Variants in MAPK8IP3 observed in about 807,000 individuals in gnomAD.
MAPK8IP3 encodes the protein C-Jun-amino-terminal kinase-interacting protein 3.
Under a neutral mutation model 157.8 loss-of-function variants are expected in MAPK8IP3, and 49 were observed. That is an observed-to-expected ratio of 0.31 (90% confidence interval 0.25 to 0.39). MAPK8IP3 has a LOEUF of 0.39. Among genes scored for constraint, MAPK8IP3 ranks in the 10% least tolerant of loss-of-function variants. The pLI is 1.00. For missense variants in MAPK8IP3, 1,478 were observed against 1,889.4 expected, an observed-to-expected ratio of 0.78 and a Z score of 4.04; for synonymous variants, 897 against 777.7, an observed-to-expected ratio of 1.15 and a Z score of -2.55.
chr16:1,757,065 A>G (rs1341192278), intron 8 of MAPK8IP3, among the ~76,000 whole-genome samples: 1 of 152,098 alleles, frequency 6.6e-6, no homozygotes, highest in Middle Eastern at 3.2e-3. Context: ...TTATTATTGG[A>G]ATTCCGATAA....
Position 1,769,375 on chromosome 16 carries a change from C to T in MAPK8IP3, c.*551C>T, listed in dbSNP as rs1319801936. ...CCCAGCCGGCCTTCTCTGGGGCCTC[C>T]CCGTCGTCAAGCCTCTATCCTGTCT... On this transcript the variant is annotated 3_prime_UTR_variant, in exon 32 of 32. Coordinates refer to ENST00000610761, the MANE Select transcript of MAPK8IP3 (RefSeq NM_001318852.2). 6.3e-6 allele frequency: 1 copy of T among 158,624 alleles called. No individual in the cohort carries two copies. Among genetic ancestry groups the T allele is most frequent in the African/African-American group, 2.4e-5 (1 of 41,502 alleles). 9.8% of individuals were successfully genotyped at this position (158,624 alleles called of 1,614,324 possible). A position where few individuals can be genotyped will look rare whatever the true frequency, so the allele number is the denominator to read the frequency against.
chr16:1,725,303 C>T (rs941300834), intron 2 of MAPK8IP3, among the ~76,000 whole-genome samples: 7 of 150,744 alleles, frequency 4.6e-5, no homozygotes, highest in Non-Finnish European at 1.0e-4. Flanking sequence ...TTGATACTGC[C>T]GTGTGGGCAC....
At chr16:1,752,549 C>T (rs770212483) in intron 8 of MAPK8IP3, 5 of 333,322 alleles carry the variant, frequency 1.5e-5, no homozygotes, top group African/African-American at 2.2e-5. Flanking sequence ...TCAAGACCAG[C>T]CTGGTCAACA....
At chr16:1,728,990 C>A in intron 2 of MAPK8IP3, 148 bp from the exon 3 acceptor site, 1 of 733,234 alleles carries the variant, frequency 1.4e-6, no homozygotes, top group Non-Finnish European at 2.5e-6. Context: ...TCCCAGACGG[C>A]CTTGCACTTG....
At chr16:1,757,641 T>C (rs74002434) in intron 8 of MAPK8IP3, among the ~76,000 whole-genome samples, 2,229 of 152,278 alleles carry the variant, frequency 0.015, 78 homozygotes, top group African/African-American at 0.051. Flanking sequence ...CTTGCTCCCA[T>C]TGTGACTTCA....
chr16:1,729,543 A>G lies in MAPK8IP3; in HGVS notation c.567A>G (p.Gly189=). 1.9e-6 allele frequency: 3 copies of G among 1,611,376 alleles called. No homozygotes were observed. The highest frequency in any genetic ancestry group is 1.7e-6 in the Non-Finnish European group (2 of 1,179,008). The part of the protein sequence containing the change: ...IERSKMQQVG[G]NSQTESSLPG... ...GGTCCAAGATGCAGCAGGTCGGAGG[A>G]AACAGCCAGACCGAGAGCAGCCTGC... Residue 189 remains glycine (G), a synonymous_variant, in exon 4 of 32, where the codon GGA becomes GGG. Transcript: ENST00000610761.
At position 1,706,304 on chromosome 16, in the gene MAPK8IP3, G is replaced by A. The variant is rs1045136773; in HGVS notation, c.-36G>A. On this transcript the variant is annotated 5_prime_UTR_variant, in exon 1 of 32. Coordinates refer to ENST00000610761, the MANE Select transcript of MAPK8IP3 (RefSeq NM_001318852.2). This position sits in a 1 kb window ranked among gnomAD's most constrained non-coding sequence, Gnocchi z 5.1. The stretch of plus-strand genomic sequence containing the variant: ...CTGGGGAGGGCCGGGCGCGCCGGCC[G>A]GATAGCGAGCCGCGCTGGCGGCGGC... 3 of 1,511,452 alleles carry A rather than the reference G, an allele frequency of 2.0e-6. No individual in the cohort carries two copies. The highest frequency in any genetic ancestry group is 2.1e-5 in the Admixed American group (1 of 48,714). The allele number at this position is 1,511,452 out of a possible 1,614,324, so 93.6% of individuals were successfully genotyped here. A position where few individuals can be genotyped will look rare whatever the true frequency, so the allele number is the denominator to read the frequency against.
intron 14 of MAPK8IP3, 66 bp from the exon 15 acceptor site, chr16:1,762,609 C>T (rs1330426508): frequency 1.3e-6 from 2 of 1,545,374 alleles, no homozygotes; most frequent in East Asian, 2.3e-5. Flanking sequence ...TGGCGGGAGC[C>T]AGAGAGTCGC....
In MAPK8IP3 at chr16:1,741,852, A is replaced by G. The variant is rs532866300; in HGVS notation, c.603-1480A>G. Among the ~76,000 whole-genome samples the G allele has an allele frequency of 2.6e-5, 4 of 152,222 alleles. No individual in the cohort carries two copies. The highest frequency in any genetic ancestry group is 7.2e-5 in the African/African-American group (3 of 41,544). ...AGGATACGGTGTTGTCCTGAACATAACAGAGCAGGCGGCCAGTCCCCAGAG... is the reference window on the plus strand; with the variant it reads ...AGGATACGGTGTTGTCCTGAACATAGCAGAGCAGGCGGCCAGTCCCCAGAG... On this transcript the variant is annotated intron_variant, in intron 4 of 31. Transcript: ENST00000610761. The surrounding 1 kb of genome is among the most constrained non-coding windows in gnomAD (Gnocchi z 6.9).
rs755178607 is a variant in MAPK8IP3 at position 1,767,630 on chromosome 16, G to A, written c.3304G>A (p.Val1102Ile). Residue 1102 changes from valine to isoleucine, a missense_variant, in exon 27 of 32, where the codon GTA becomes ATA. Val to Ile is a conservative substitution (Grantham distance 29). This residue lies in a region of MAPK8IP3 where 68 missense variants were observed against 125.1 expected (regional missense o/e 0.54). Transcript: ENST00000610761. ...VRQLAWIGDG[V>I]WVSIRLDSTL... ...GCAGCTGGCGTGGATCGGCGATGGC[G>A]TATGGGTGTCCATCCGCCTGGACTC... is the stretch of plus-strand genomic sequence containing the variant. 5.6e-6 allele frequency: 9 copies of A among 1,612,482 alleles called. No individual in the cohort carries two copies. The highest frequency in any genetic ancestry group is 2.7e-5 in the African/African-American group (2 of 74,904).
Position 1,764,163 on chromosome 16 carries a change from G to C in MAPK8IP3, c.2074G>C (p.Val692Leu). Residue 692 changes from valine to leucine, a missense_variant, in exon 18 of 32, where the codon GTG becomes CTG. This residue lies in a region of MAPK8IP3 where 669 missense variants were observed against 759.8 expected (regional missense o/e 0.88). Transcript: ENST00000610761. ...QEDTRMKNVP[V>L]PVYCRPLVEK... The stretch of plus-strand genomic sequence containing the variant: ...GGACACGCGGATGAAGAACGTGCCG[G>C]TGCCGGTGTACTGCCGCCCTCTGGT... 1 of 1,611,826 alleles carries C rather than the reference G, an allele frequency of 6.2e-7. No homozygotes were observed. The highest frequency in any genetic ancestry group is 8.5e-7 in the Non-Finnish European group (1 of 1,179,568).
At chr16:1,753,452 TA>T (rs1555454337) in intron 8 of MAPK8IP3, among the ~76,000 whole-genome samples, 4 of 151,370 alleles carry the variant, frequency 2.6e-5, no homozygotes, top group South Asian at 2.1e-4. Flanking sequence ...TTTATTTATT[TA>T]TTTTTGAGAC....
At position 1,706,566 on chromosome 16, in the gene MAPK8IP3, A is replaced by G. The variant is rs1596520807; in HGVS notation, c.227A>G (p.His76Arg). The G allele has an allele frequency of 1.9e-6, 3 of 1,613,096 alleles. No individual in the cohort carries two copies. The East Asian group carries it at 6.7e-5, about 36-fold the overall frequency. ...LDSVLSENQE[H>R]EVELELLRED... ...TCGGTGCTCAGCGAGAACCAGGAGCACGAGGTGGAGCTGGAGCTGCTGCGC... is the reference window on the plus strand; with the variant it reads ...TCGGTGCTCAGCGAGAACCAGGAGCGCGAGGTGGAGCTGGAGCTGCTGCGC... Residue 76 changes from histidine to arginine, a missense_variant, in exon 1 of 32, where the codon CAC becomes CGC. His to Arg is a conservative substitution (Grantham distance 29). Coordinates refer to ENST00000610761, the MANE Select transcript of MAPK8IP3 (RefSeq NM_001318852.2). This position sits in a 1 kb window ranked among gnomAD's most constrained non-coding sequence, Gnocchi z 5.1.
rs1034673585 is a variant in MAPK8IP3 at position 1,747,209 on chromosome 16, C to T, written c.928C>T (p.Arg310Trp). ...GVGSKNSKRA[R>W]EKRDSRNMEV... ...GGGCTCCAAGAACAGCAAGCGTGCC[C>T]GGGAGAAGCGCGACAGCCGCAACAT... The change falls in exon 6 of 32, where the codon CGG becomes TGG. Residue 310 changes from arginine to tryptophan, a missense_variant. Physicochemically the swap from Arg to Trp is moderately radical, Grantham distance 101. This residue lies in a region of MAPK8IP3 where 315 missense variants were observed against 394.4 expected (regional missense o/e 0.80). Coordinates refer to ENST00000610761, the MANE Select transcript of MAPK8IP3 (RefSeq NM_001318852.2). 16 of 1,613,632 alleles carry T rather than the reference C, an allele frequency of 9.9e-6. No individual in the cohort carries two copies. Among genetic ancestry groups the T allele is most frequent in the Non-Finnish European group, 1.2e-5 (14 of 1,180,036 alleles).
At chr16:1,721,678 C>G (rs908147927) in intron 1 of MAPK8IP3, among the ~76,000 whole-genome samples, 1 of 152,172 alleles carries the variant, frequency 6.6e-6, no homozygotes, top group African/African-American at 2.4e-5. Flanking sequence ...TGGAGTCAAT[C>G]AATCCACTCG....
In MAPK8IP3 at chr16:1,710,923, G is replaced by T. The variant is rs945409174; in HGVS notation, c.318+4266G>T. Reference sequence around the variant, plus strand: ...TCCCTAAAAAGTGGAGCAAATACATGTAGGAACCATGGAGAAGGAGGTACC... The same window carrying T: ...TCCCTAAAAAGTGGAGCAAATACATTTAGGAACCATGGAGAAGGAGGTACC... On this transcript the variant is annotated intron_variant, in intron 1 of 31. Coordinates refer to ENST00000610761, the MANE Select transcript of MAPK8IP3 (RefSeq NM_001318852.2). This position sits in a 1 kb window ranked among gnomAD's most constrained non-coding sequence, Gnocchi z 4.1. Among the ~76,000 whole-genome samples the T allele has an allele frequency of 2.0e-4, 30 of 152,318 alleles. No homozygotes were observed. The highest frequency in any genetic ancestry group is 7.0e-4 in the African/African-American group (29 of 41,572).
intron 1 of MAPK8IP3, among the ~76,000 whole-genome samples, chr16:1,711,101 A>C (rs2037740397): frequency 6.6e-6 from 1 of 152,258 alleles, no homozygotes; most frequent in African/African-American, 2.4e-5. Context: ...TTCTTCCAAA[A>C]TTAAGATTTC....
Position 1,760,477 on chromosome 16 carries a change from C to T in MAPK8IP3, c.1402C>T (p.Gln468Ter). The T allele has an allele frequency of 1.2e-6, 2 of 1,613,950 alleles. No homozygotes were observed. Among genetic ancestry groups the T allele is most frequent in the Non-Finnish European group, 1.7e-6 (2 of 1,179,912 alleles). Reference sequence around the variant, plus strand: ...GAGGGGCGAGTTGGAGGCTGCTAAGCAGGCCAAAGTCAAGCTGGAAAACCG... The same window carrying T: ...GAGGGGCGAGTTGGAGGCTGCTAAGTAGGCCAAAGTCAAGCTGGAAAACCG... ...VLRGELEAAK[Q>*]AKVKLENRIK... Residue 468 changes from glutamine to a stop codon, truncating the protein, a stop_gained, in exon 12 of 32, where the codon CAG (glutamine) becomes TAG (stop). Coordinates refer to ENST00000610761, the MANE Select transcript of MAPK8IP3 (RefSeq NM_001318852.2). LOFTEE classifies it high-confidence loss of function.
chr16:1,718,436 G>A (rs925082212), intron 1 of MAPK8IP3, among the ~76,000 whole-genome samples: 7 of 149,246 alleles, frequency 4.7e-5, no homozygotes, highest in Admixed American at 6.7e-5. Flanking sequence ...CCCCCACCTC[G>A]GCCTCCTAAA....
Sources: allele counts gnomAD v4.1 joint callset (sites outside exome capture counted in the v4.1 genomes callset), GRCh38; gene constraint gnomAD v4.1.1; regional missense constraint gnomAD v4.1.1; non-coding constraint Gnocchi (gnomAD v3.1); transcripts MANE v1.5; gene names NCBI Gene and HGNC (gene_info 2026-07-23, HGNC 2026-07-21).